Variants in ARHGAP15 observed in about 807,000 individuals in gnomAD.
ARHGAP15 encodes the protein Rho GTPase activating protein 15, also known as rho GTPase-activating protein 15.
Under a neutral mutation model 63.7 loss-of-function variants are expected in ARHGAP15, and 51 were observed. That is an observed-to-expected ratio of 0.80 (90% CI 0.64 to 1.01). The LOEUF (loss-of-function observed/expected upper bound fraction) is 1.01, where lower values mean the gene tolerates loss of function less well. Ranked by LOEUF, ARHGAP15 falls within the 50% of genes least tolerant of loss-of-function variation. The probability of loss-of-function intolerance (pLI) is 0.00; values close to 1 mark genes in which losing one functional copy is unlikely to be tolerated. For missense variants in ARHGAP15, 560 were observed against 564.6 expected, an observed-to-expected ratio of 0.99 and a Z score of 0.08; for synonymous variants, 191 against 193.8, an observed-to-expected ratio of 0.99 and a Z score of 0.12.
intron 5 of ARHGAP15, among the ~76,000 whole-genome samples, chr2:143,238,592 A>G (rs962310120): frequency 2.6e-5 from 4 of 152,176 alleles, no homozygotes; most frequent in African/African-American, 9.6e-5. Flanking sequence ...TACACTGTTG[A>G]TGGGAGTGTA....
At chr2:143,285,584 T>C (rs1184681067) in intron 6 of ARHGAP15, among the ~76,000 whole-genome samples, 15 of 152,222 alleles carry the variant, frequency 9.9e-5, no homozygotes, top group Non-Finnish European at 1.9e-4. Flanking sequence ...TGAGTTGCCA[T>C]TGATCTGCAC....
chr2:143,476,951 T>C (rs1429044453), intron 8 of ARHGAP15, among the ~76,000 whole-genome samples: 1 of 152,190 alleles, frequency 6.6e-6, no homozygotes, highest in Non-Finnish European at 1.5e-5. Context: ...TTGCTTTTGC[T>C]ATACACATGA....
intron 8 of ARHGAP15, among the ~76,000 whole-genome samples, chr2:143,473,054 G>T (rs1217519997): frequency 1.3e-5 from 2 of 152,098 alleles, no homozygotes; most frequent in African/African-American, 4.8e-5. Flanking sequence ...AAACTAGAAC[G>T]TGAAGACCCA....
intron 12 of ARHGAP15, chr2:143,676,664 G>A (rs943619179): frequency 1.3e-5 from 2 of 152,126 alleles, no homozygotes; most frequent in Non-Finnish European, 2.9e-5. Flanking sequence ...TATCTCATAT[G>A]GGCGCAGTTT....
At chr2:143,327,628 A>C (rs59693047) in intron 6 of ARHGAP15, among the ~76,000 whole-genome samples, 29,935 of 152,134 alleles carry the variant, frequency 0.2, 5,367 homozygotes, top group African/African-American at 0.49. Flanking sequence ...TAAAGACTTA[A>C]CATAAGACCT....
chr2:143,329,829 G>T (rs1162162990), intron 6 of ARHGAP15, among the ~76,000 whole-genome samples: 3 of 150,538 alleles, frequency 2.0e-5, no homozygotes, highest in Non-Finnish European at 3.0e-5. Flanking sequence ...AGTTTTAATT[G>T]CAAAACTTTC....
chr2:143,654,708 CA>C (rs913717977), intron 12 of ARHGAP15, among the ~76,000 whole-genome samples: 5 of 152,144 alleles, frequency 3.3e-5, no homozygotes, highest in Non-Finnish European at 7.4e-5. Flanking sequence ...GTCTGAAACC[CA>C]AGGGTTTTTA....
At chr2:143,510,739 G>C (rs1693547873) in intron 9 of ARHGAP15, among the ~76,000 whole-genome samples, 1 of 152,186 alleles carries the variant, frequency 6.6e-6, no homozygotes, top group Non-Finnish European at 1.5e-5. Context: ...TGTCTGATTT[G>C]TTTTTGTGAC....
Position 143,153,822 on chromosome 2 carries a change from TTCTTCTTCTTCTTCTTCTTCTTCC to T in ARHGAP15, c.-14-1652_-14-1629del, listed in dbSNP as rs1423314237. On this transcript the variant is annotated intron_variant, in intron 1 of 13. Coordinates refer to ENST00000295095, the MANE Select transcript of ARHGAP15 (RefSeq NM_018460.4). ...CTTCTTCTTCTTCTTCTTCTTCTTCTTCTTCTTCTTCTTCTTCTTCTTCCTCCTCCTCCTCCTCCTCCTCCTCCT... is the reference window on the plus strand; with the variant it reads ...CTTCTTCTTCTTCTTCTTCTTCTTCTTCCTCCTCCTCCTCCTCCTCCTCCT... 1.4e-3 allele frequency among the ~76,000 whole-genome samples: 115 copies of T among 81,164 alleles called. 3 individuals are homozygous for T. The highest frequency in any genetic ancestry group is 4.8e-3 in the African/African-American group (111 of 22,950). 53.2% of individuals were successfully genotyped at this position (81,164 alleles called of 152,430 possible).
At chr2:143,492,952 G>A (rs563999149) in intron 9 of ARHGAP15, among the ~76,000 whole-genome samples, 169 of 152,026 alleles carry the variant, frequency 1.1e-3, no homozygotes, top group African/African-American at 3.8e-3. Context: ...CAGCTACTCG[G>A]GAGGCTGAAG....
chr2:143,437,257 G>A (rs1174689178), intron 8 of ARHGAP15: 2 of 476,132 alleles, frequency 4.2e-6, no homozygotes, highest in Non-Finnish European at 7.5e-6. Flanking sequence ...TTGTTCCAAG[G>A]TCATGGTCTC....
chr2:143,560,912 C>T (rs1025513045), intron 11 of ARHGAP15, among the ~76,000 whole-genome samples: 1 of 152,208 alleles, frequency 6.6e-6, no homozygotes, highest in East Asian at 1.9e-4. Flanking sequence ...TTGGTGACAG[C>T]TTTCAGTGAC....
intron 1 of ARHGAP15, among the ~76,000 whole-genome samples, chr2:143,143,910 T>G (rs1041963574): frequency 2.6e-5 from 4 of 152,052 alleles, no homozygotes; most frequent in Non-Finnish European, 5.9e-5. Context: ...ATCCTCTCCC[T>G]CTTCCCACCC....
intron 10 of ARHGAP15, among the ~76,000 whole-genome samples, chr2:143,520,751 C>G (rs1049617469): frequency 6.6e-6 from 1 of 152,124 alleles, no homozygotes; most frequent in African/African-American, 2.4e-5. Flanking sequence ...AAATTGTCAT[C>G]ATTTTCAGGA....
intron 13 of ARHGAP15, among the ~76,000 whole-genome samples, chr2:143,755,521 T>C (rs1281691377): frequency 6.6e-6 from 1 of 152,200 alleles, no homozygotes; most frequent in Non-Finnish European, 1.5e-5. Flanking sequence ...TTTCACATCA[T>C]GGCTTTTTGC....
At chr2:143,637,943 G>A (rs1419706191) in intron 12 of ARHGAP15, among the ~76,000 whole-genome samples, 114 of 151,912 alleles carry the variant, frequency 7.5e-4, no homozygotes, top group African/African-American at 2.2e-3. Flanking sequence ...AATCTAAACC[G>A]CAATGAGATA....
chr2:143,715,987 T>C (rs943482053), intron 13 of ARHGAP15, among the ~76,000 whole-genome samples: 2 of 152,062 alleles, frequency 1.3e-5, no homozygotes, highest in African/African-American at 4.8e-5. Context: ...CAACACACAT[T>C]GGGGCCTGTT....
chr2:143,226,991 G>A (rs1346088013), intron 4 of ARHGAP15, among the ~76,000 whole-genome samples: 1 of 152,030 alleles, frequency 6.6e-6, no homozygotes, highest in Non-Finnish European at 1.5e-5. Context: ...ATTTTGGTGT[G>A]GTTTTCTATT....
At chr2:143,538,807 C>T (rs1339870307) in intron 10 of ARHGAP15, among the ~76,000 whole-genome samples, 27 of 152,146 alleles carry the variant, frequency 1.8e-4, no homozygotes, top group East Asian at 1.7e-3. Flanking sequence ...GATTTTTGCA[C>T]CAATGTTCAT....
Sources: allele counts gnomAD v4.1 joint callset (sites outside exome capture counted in the v4.1 genomes callset), GRCh38; gene constraint gnomAD v4.1.1; transcripts MANE v1.5; gene names NCBI Gene and HGNC (gene_info 2026-07-23, HGNC 2026-07-21).